The following KIF1A variants were observed in gnomAD, a reference collection of about 807,000 sequenced individuals.
KIF1A encodes kinesin family member 1A, also known as kinesin-like protein KIF1A.
KIF1A carries 46 observed loss-of-function variants against 227.3 expected under a neutral mutation model. The observed-to-expected ratio is 0.20, with a 90% confidence interval of 0.16 to 0.26. The LOEUF is 0.26. KIF1A is among the 10% of genes least tolerant of loss of function. The pLI is 1.00. For synonymous variants in KIF1A, 1,022 were observed against 1,012.8 expected, an observed-to-expected ratio of 1.01 and a Z score of -0.17; for missense variants, 1,683 against 2,485.9, an observed-to-expected ratio of 0.68 and a Z score of 6.87.
Position 240,722,501 on chromosome 2 carries a change from T to A in KIF1A, c.4620A>T (p.Ser1540=), listed in dbSNP as rs1293965176. 1.3e-6 allele frequency: 2 copies of A among 1,546,130 alleles called. No individual in the cohort carries two copies. The highest frequency in any genetic ancestry group is 1.2e-5 in the South Asian group (1 of 83,832). The change falls in exon 43 of 49, where the codon TCA becomes TCT. Residue 1540 remains serine, a synonymous_variant. Transcript: ENST00000498729. ...SSPLSAEGRP[S]PLEAPNERQR... ...GCCTCTCGTTGGGAGCCTCCAGGGGTGATGGGCGGCCCTCAGCCGAGAGCG... is the reference window on the plus strand; with the variant it reads ...GCCTCTCGTTGGGAGCCTCCAGGGGAGATGGGCGGCCCTCAGCCGAGAGCG...
intron 43 of KIF1A, among the ~76,000 whole-genome samples, chr2:240,722,203 C>G (rs902704844): frequency 6.6e-6 from 1 of 152,216 alleles, no homozygotes; most frequent in Non-Finnish European, 1.5e-5. Flanking sequence ...GTGGTGAGCT[C>G]CCCATCAGCA....
At chr2:240,737,607 G>C (rs2047494901) in intron 37 of KIF1A, 1 of 165,656 alleles carries the variant, frequency 6.0e-6, no homozygotes, top group East Asian at 1.6e-4. Flanking sequence ...CAGAGGAGGG[G>C]AGGGATGGGA....
rs749935104 is a variant in KIF1A at position 240,743,908 on chromosome 2, A to G, written c.3584+34T>C. On this transcript the variant is annotated intron_variant, in intron 33 of 48. Coordinates refer to ENST00000498729, the MANE Select transcript of KIF1A (RefSeq NM_001244008.2). ...AGATCTGGGCAGGGGCTTTGAGGAC[A>G]GCAGCCCCGAACCCCCCGACCCAGG... 1.6e-5 allele frequency: 22 copies of G among 1,374,686 alleles called. No individual in the cohort carries two copies. The Admixed American group carries it at 3.0e-4, about 19-fold the overall frequency. 85.2% of individuals were successfully genotyped at this position (1,374,686 alleles called of 1,614,324 possible). A position where few individuals can be genotyped will look rare whatever the true frequency, so the allele number is the denominator to read the frequency against.
chr2:240,735,710 T>C (rs898358223), intron 38 of KIF1A, among the ~76,000 whole-genome samples: 1 of 151,944 alleles, frequency 6.6e-6, no homozygotes, highest in Non-Finnish European at 1.5e-5. Flanking sequence ...CTCCAGGCCT[T>C]CTCCACACCT....
chr2:240,759,217 T>A (rs1311794272), intron 25 of KIF1A, among the ~76,000 whole-genome samples: 5 of 152,012 alleles, frequency 3.3e-5, no homozygotes, highest in Admixed American at 1.3e-4. Context: ...TATTTTTATT[T>A]TCTGTATCTT....
Position 240,725,618 on chromosome 2 carries a change from C to T in KIF1A, c.4123-214G>A. ...GGACAGGTAGCCACAGCTCTGTCCA[C>T]CCCTGGGCTGCCTGAGGGACTGGTC... On this transcript the variant is annotated intron_variant, in intron 39 of 48. Coordinates refer to ENST00000498729, the MANE Select transcript of KIF1A (RefSeq NM_001244008.2). This position sits in a 1 kb window ranked among gnomAD's most constrained non-coding sequence, Gnocchi z 5.8. The T allele has an allele frequency of 1.8e-6, 1 of 560,904 alleles. No homozygotes were observed. The highest frequency in any genetic ancestry group is 3.1e-6 in the Non-Finnish European group (1 of 319,816). The allele number at this position is 560,904 out of a possible 1,614,324, so 34.7% of individuals were successfully genotyped here.
Position 240,788,349 on chromosome 2 carries a change from G to C in KIF1A, c.184-119C>G. The C allele has an allele frequency of 1.2e-6, 1 of 861,014 alleles. No homozygotes were observed. The highest frequency in any genetic ancestry group is 1.9e-6 in the Non-Finnish European group (1 of 536,386). The allele number at this position is 861,014 out of a possible 1,614,324, so 53.3% of individuals were successfully genotyped here. A position where few individuals can be genotyped will look rare whatever the true frequency, so the allele number is the denominator to read the frequency against. On this transcript the variant is annotated intron_variant, in intron 3 of 48. Coordinates refer to ENST00000498729, the MANE Select transcript of KIF1A (RefSeq NM_001244008.2). This position sits in a 1 kb window ranked among gnomAD's most constrained non-coding sequence, Gnocchi z 6.6. ...CAGGGTGCCAGGGCAGCACAGTGGG[G>C]AGGGATGCCTGCCCCCCATCCTACT... is the stretch of plus-strand genomic sequence containing the variant.
At chr2:240,767,067 A>C (rs1575595617) in intron 18 of KIF1A, 46 bp from the exon 19 acceptor site, 2 of 1,446,582 alleles carry the variant, frequency 1.4e-6, no homozygotes, top group Non-Finnish European at 1.9e-6. Context: ...GACCCAATAC[A>C]CCCAGGACGC....
Position 240,779,173 on chromosome 2 carries a change from C to T in KIF1A, c.883-3247G>A, listed in dbSNP as rs555729508. ...CCACACAGTTCCACACTCAGTTCCA[C>T]ACTCAGTCCCTCACTCAGTTCCACA... On this transcript the variant is annotated intron_variant, in intron 10 of 48. Coordinates refer to ENST00000498729, the MANE Select transcript of KIF1A (RefSeq NM_001244008.2). 2.7e-5 allele frequency among the ~76,000 whole-genome samples: 4 copies of T among 149,874 alleles called. No individual in the cohort carries two copies. The South Asian group carries it at 8.4e-4, about 31-fold the overall frequency.
At chr2:240,797,623 G>T in intron 2 of KIF1A, 24 bp downstream of exon 2, 1 of 1,546,556 alleles carries the variant, frequency 6.5e-7, no homozygotes, top group Non-Finnish European at 8.9e-7. Context: ...GGCCGACCCC[G>T]ATGCTGTGCA....
intron 2 of KIF1A, among the ~76,000 whole-genome samples, chr2:240,797,009 G>A (rs2056475517): frequency 6.6e-6 from 1 of 152,208 alleles, no homozygotes; most frequent in African/African-American, 2.4e-5. Flanking sequence ...CCAGGTGGCT[G>A]TTCATGTCAC....
At chr2:240,727,076 C>A (rs900087638) in intron 38 of KIF1A, 136 bp from the exon 39 acceptor site, 2 of 563,916 alleles carry the variant, frequency 3.5e-6, no homozygotes, top group African/African-American at 1.9e-5. Flanking sequence ...GCTGGAAGCC[C>A]GGGCGGCGGT....
intron 1 of KIF1A, among the ~76,000 whole-genome samples, chr2:240,808,607 G>C (rs1325544373): frequency 1.3e-5 from 2 of 152,010 alleles, no homozygotes; most frequent in African/African-American, 2.4e-5. Flanking sequence ...AGGAGTTCGA[G>C]GCTGCGGTGA....
Position 240,789,739 on chromosome 2 carries a change from C to T in KIF1A, c.107-427G>A, listed in dbSNP as rs994674267. 2.6e-5 allele frequency among the ~76,000 whole-genome samples: 4 copies of T among 152,162 alleles called. No homozygotes were observed. Among genetic ancestry groups the T allele is most frequent in the African/African-American group, 9.7e-5 (4 of 41,438 alleles). ...GCTCAGCGTGCACGTGCCCGAGAAG[C>T]GCTGGAAGCCTGGGCGTCCATCACG... On this transcript the variant is annotated intron_variant, in intron 2 of 48. Coordinates refer to ENST00000498729, the MANE Select transcript of KIF1A (RefSeq NM_001244008.2). This position sits in a 1 kb window ranked among gnomAD's most constrained non-coding sequence, Gnocchi z 4.8.
chr2:240,769,625 A>G lies in KIF1A; in HGVS notation c.1421+2T>C, dbSNP rs751051049. 1.2e-6 allele frequency: 2 copies of G among 1,612,092 alleles called. No homozygotes were observed. Among genetic ancestry groups the G allele is most frequent in the South Asian group, 1.1e-5 (1 of 90,974 alleles). On this transcript the variant is annotated splice_donor_variant, in intron 16 of 48. Transcript: ENST00000498729. LOFTEE classifies it high-confidence loss of function. ...CTGGGCCTCAGTTTCCCCGCTGCACACCTCTCCATCCGGATGGCTTCTGTC... is the reference window on the plus strand; with the variant it reads ...CTGGGCCTCAGTTTCCCCGCTGCACGCCTCTCCATCCGGATGGCTTCTGTC...
Position 240,721,000 on chromosome 2 carries a change from C to T in KIF1A, c.4782G>A (p.Ser1594=). The T allele has an allele frequency of 3.7e-6, 6 of 1,610,602 alleles. No individual in the cohort carries two copies. The highest frequency in any genetic ancestry group is 2.2e-5 in the South Asian group (2 of 90,436). Residue 1594 remains serine, a synonymous_variant, in exon 45 of 49, where the codon TCG becomes TCA. Transcript: ENST00000498729. The stretch of plus-strand genomic sequence containing the variant: ...GAGTGGCCACCCCTAGAGGGGACAT[C>T]GACGGGTCCCGGAGCAGGGTGACAG... ...EMSVTLLRDP[S]MSPLGVATLT... is the part of the protein sequence containing the mutation.
chr2:240,814,632 A>G (rs779709718), intron 1 of KIF1A, among the ~76,000 whole-genome samples: 17 of 152,218 alleles, frequency 1.1e-4, no homozygotes, highest in Non-Finnish European at 2.2e-4. Context: ...AAACTCATTC[A>G]AGAAAATAAA....
chr2:240,769,001 G>T, intron 17 of KIF1A, 132 bp downstream of exon 17: 1 of 758,642 alleles, frequency 1.3e-6, no homozygotes, highest in Non-Finnish European at 2.3e-6. Context: ...GAGCTTCACA[G>T]CCCCAGTGCC....
At chr2:240,781,792 T>C in intron 10 of KIF1A, 1 of 985,134 alleles carries the variant, frequency 1.0e-6, no homozygotes, top group Non-Finnish European at 1.2e-6. Flanking sequence ...CTCGCCTGGC[T>C]CCCACTCGGG....
Sources: gnomAD v4.1 joint callset for allele counts (sites outside exome capture counted in the v4.1 genomes callset) on GRCh38, gnomAD v4.1.1 for gene constraint, Gnocchi (gnomAD v3.1) non-coding constraint, MANE v1.5 for transcripts, NCBI Gene and HGNC (gene_info 2026-07-23, HGNC 2026-07-21) for gene names.